The following SMOC2 variants were observed in gnomAD, a reference collection of about 807,000 sequenced individuals.
SMOC2 encodes SPARC-related modular calcium-binding protein 2.
SMOC2 carries 39 observed loss-of-function variants against 61.4 expected under a neutral mutation model. The observed-to-expected ratio is 0.64, with a 90% confidence interval of 0.49 to 0.83. The LOEUF (loss-of-function observed/expected upper bound fraction) is 0.83. Among genes scored for constraint, SMOC2 ranks in the 40% least tolerant of loss-of-function variants. SMOC2 has a pLI of 0.00. For synonymous variants in SMOC2, 247 were observed against 239.9 expected, an observed-to-expected ratio of 1.03 and a Z score of -0.27; for missense variants, 556 against 592.9, an observed-to-expected ratio of 0.94 and a Z score of 0.65.
chr6:168,608,255 G>A lies in SMOC2; in HGVS notation c.907+16G>A, dbSNP rs746027584. On this transcript the variant is annotated intron_variant, in intron 9 of 12. Coordinates refer to ENST00000356284, the MANE Select transcript of SMOC2 (RefSeq NM_001166412.2). ...CAGCTACAAGGTGAGCAGCACCCGC[G>A]AGTGTGGCCCGAATCCACAGGCCCC... 18 of 1,608,510 alleles carry A rather than the reference G, an allele frequency of 1.1e-5. No individual in the cohort carries two copies. The highest frequency in any genetic ancestry group is 2.7e-5 in the African/African-American group (2 of 74,842).
At chr6:168,523,720 T>C (rs927821379) in intron 2 of SMOC2, among the ~76,000 whole-genome samples, 1 of 152,174 alleles carries the variant, frequency 6.6e-6, no homozygotes, top group Admixed American at 6.5e-5. Flanking sequence ...ATTTAAAAAA[T>C]TATGTTGCTT....
chr6:168,638,138 A>G (rs1033114417), intron 9 of SMOC2, among the ~76,000 whole-genome samples: 14 of 145,984 alleles, frequency 9.6e-5, no homozygotes, highest in African/African-American at 3.5e-4. Flanking sequence ...CTCGCTGGCC[A>G]GCCCCTGCCC....
chr6:168,547,411 G>A (rs1228141774), intron 6 of SMOC2, among the ~76,000 whole-genome samples: 1 of 151,814 alleles, frequency 6.6e-6, no homozygotes, highest in African/African-American at 2.4e-5. Context: ...GGTCACGAAG[G>A]GTAGGGTAGG....
chr6:168,517,984 GA>G (rs541702508), intron 2 of SMOC2, among the ~76,000 whole-genome samples: 1 of 152,360 alleles, frequency 6.6e-6, no homozygotes, highest in South Asian at 2.1e-4. Flanking sequence ...CCGGTTCAGA[GA>G]AACCCAAAGA....
At chr6:168,444,555 C>G (rs991112314) in intron 1 of SMOC2, among the ~76,000 whole-genome samples, 5 of 152,282 alleles carry the variant, frequency 3.3e-5, no homozygotes, top group Non-Finnish European at 7.3e-5. Flanking sequence ...GGTTATTGCT[C>G]AGACCCTCTC....
At chr6:168,508,099 G>A (rs1036219047) in intron 1 of SMOC2, among the ~76,000 whole-genome samples, 5 of 152,184 alleles carry the variant, frequency 3.3e-5, no homozygotes, top group East Asian at 1.9e-4. Flanking sequence ...CCCACGGGCC[G>A]TCCGGCCCCT....
intron 7 of SMOC2, among the ~76,000 whole-genome samples, chr6:168,575,724 C>T (rs1328133754): frequency 6.6e-6 from 1 of 152,192 alleles, no homozygotes; most frequent in African/African-American, 2.4e-5. Flanking sequence ...GCGCCAGGCT[C>T]CCGGCCCCAG....
At chr6:168,554,924 C>T (rs750118526) in intron 7 of SMOC2, among the ~76,000 whole-genome samples, 23 of 152,360 alleles carry the variant, frequency 1.5e-4, no homozygotes, top group Non-Finnish European at 2.6e-4. Context: ...CACCACAGGG[C>T]GTGTGCTCCC....
chr6:168,507,114 G>C (rs1280532653), intron 1 of SMOC2, among the ~76,000 whole-genome samples: 1 of 152,084 alleles, frequency 6.6e-6, no homozygotes, highest in East Asian at 1.9e-4. Context: ...TGGATGCTGG[G>C]TGCTTTTATT....
chr6:168,591,143 A>T (rs992853898), intron 7 of SMOC2, among the ~76,000 whole-genome samples: 2 of 152,254 alleles, frequency 1.3e-5, no homozygotes, highest in African/African-American at 4.8e-5. Context: ...GTAAATTGGA[A>T]TGGGAATCAC....
chr6:168,538,588 G>A (rs1783801822), intron 4 of SMOC2, among the ~76,000 whole-genome samples: 1 of 136,456 alleles, frequency 7.3e-6, no homozygotes, highest in African/African-American at 2.8e-5. Flanking sequence ...GCTGGAATCT[G>A]GGGAGCAGAG....
intron 11 of SMOC2, among the ~76,000 whole-genome samples, chr6:168,659,981 AGTGAGGGTGGAGGTTGTTGTCTGG>A (rs1787464717): frequency 1.3e-4 from 1 of 7,800 alleles, no homozygotes; most frequent in Non-Finnish European, 2.7e-4. Context: ...TTATAGGCTG[AGTGAGGGTGGAGGTTGTTGTCTGG>A]GTGAGGGTGG....
chr6:168,532,063 G>A (rs146240977), intron 4 of SMOC2, among the ~76,000 whole-genome samples: 1 of 152,308 alleles, frequency 6.6e-6, no homozygotes, highest in African/African-American at 2.4e-5. Context: ...GAGAGCAGGT[G>A]TTTCTTGCTC....
intron 7 of SMOC2, among the ~76,000 whole-genome samples, chr6:168,573,731 C>T (rs1784728995): frequency 6.6e-6 from 1 of 152,140 alleles, no homozygotes; most frequent in Admixed American, 6.5e-5. Context: ...AGCAGGACCC[C>T]GCCTCCCCAC....
intron 4 of SMOC2, among the ~76,000 whole-genome samples, chr6:168,539,075 C>T (rs1476135317): frequency 5.3e-5 from 8 of 152,210 alleles, no homozygotes; most frequent in African/African-American, 1.7e-4. Context: ...GGCTCGTGCT[C>T]CCTGACACTG....
intron 9 of SMOC2, among the ~76,000 whole-genome samples, chr6:168,610,447 G>A (rs1785829613): frequency 6.6e-6 from 1 of 152,244 alleles, no homozygotes; most frequent in Admixed American, 6.5e-5. Flanking sequence ...CTGCAGGATA[G>A]AGGCTGTTCC....
chr6:168,576,597 A>T (rs188971350), intron 7 of SMOC2, among the ~76,000 whole-genome samples: 3 of 152,150 alleles, frequency 2.0e-5, no homozygotes, highest in Admixed American at 6.5e-5. Context: ...CACCAAATGG[A>T]CGCATCACAG....
intron 4 of SMOC2, among the ~76,000 whole-genome samples, chr6:168,531,523 C>A (rs946879930): frequency 7.9e-5 from 12 of 152,266 alleles, no homozygotes; most frequent in Non-Finnish European, 1.5e-4. Flanking sequence ...AGACACATCC[C>A]TGAGCCTGAG....
chr6:168,566,294 A>G (rs976614337), intron 7 of SMOC2, among the ~76,000 whole-genome samples: 1 of 152,168 alleles, frequency 6.6e-6, no homozygotes, highest in Non-Finnish European at 1.5e-5. Context: ...TGATTCTAGG[A>G]CACTGTCTAA....
Sources: gnomAD v4.1 joint callset for allele counts (sites outside exome capture counted in the v4.1 genomes callset) on GRCh38, gnomAD v4.1.1 for gene constraint, MANE v1.5 for transcripts, NCBI Gene and HGNC (gene_info 2026-07-23, HGNC 2026-07-21) for gene names.